The following RIN2 variants were observed in gnomAD, a reference collection of about 807,000 sequenced individuals.
The protein encoded by RIN2 is Ras and Rab interactor 2.
Under a neutral mutation model 78.0 loss-of-function variants are expected in RIN2, and 36 were observed. That is an observed-to-expected ratio of 0.46 (90% confidence interval 0.35 to 0.61). RIN2 has a LOEUF of 0.61. Among genes scored for constraint, RIN2 ranks in the 20% least tolerant of loss-of-function variants. The pLI, the probability that RIN2 is intolerant of heterozygous loss-of-function variation, is 0.00. For synonymous variants in RIN2, 466 were observed against 466.8 expected (o/e 1.00, Z 0.02); for missense variants, 1,087 against 1,159.7 (o/e 0.94, Z 0.91).
At chr20:19,924,515 T>C (rs868499139) in intron 3 of RIN2, among the ~76,000 whole-genome samples, 284 of 1,898 alleles carry the variant, frequency 0.15, 11 homozygotes, top group East Asian at 0.47. Flanking sequence ...ACCTTCACAC[T>C]CCCACCTTCG....
intron 9 of RIN2, among the ~76,000 whole-genome samples, chr20:19,987,919 G>T (rs1366230711): frequency 6.6e-6 from 1 of 152,162 alleles, no homozygotes; most frequent in Non-Finnish European, 1.5e-5. Context: ...AAACAACTTG[G>T]GCTGGGGAAT....
rs35167408 is a variant in RIN2 at position 19,921,541 on chromosome 20, G to C, written c.58-13558G>C. Among the ~76,000 whole-genome samples, 985 of 152,304 alleles carry C rather than the reference G, an allele frequency of 6.5e-3. 7 individuals are homozygous for C. The highest frequency in any genetic ancestry group is 0.024 in the Middle Eastern group (7 of 294). On this transcript the variant is annotated intron_variant, in intron 3 of 12. Transcript: ENST00000255006. ...GCCAGGGACTGCTCTGAGCTGAGGA[G>C]ACTGCAGTGAACCAAAGGACAGCAT...
intron 2 of RIN2, among the ~76,000 whole-genome samples, chr20:19,866,782 A>G (rs927587815): frequency 2.6e-5 from 4 of 151,856 alleles, no homozygotes; most frequent in Non-Finnish European, 4.4e-5. Flanking sequence ...GCACCACCAC[A>G]CCAGCATAAT....
intron 2 of RIN2, chr20:19,823,623 A>G: frequency 6.5e-7 from 1 of 1,548,624 alleles, no homozygotes; most frequent in African/African-American, 1.4e-5. Context: ...TGACGATCTC[A>G]TCAAAAGTGA....
At chr20:19,859,348 T>C (rs1340633939) in intron 2 of RIN2, among the ~76,000 whole-genome samples, 1 of 152,238 alleles carries the variant, frequency 6.6e-6, no homozygotes, top group Non-Finnish European at 1.5e-5. Flanking sequence ...TAATCCTGAC[T>C]CTACCACTTA....
At chr20:19,863,445 C>A (rs989549920) in intron 2 of RIN2, among the ~76,000 whole-genome samples, 1 of 152,168 alleles carries the variant, frequency 6.6e-6, no homozygotes, top group African/African-American at 2.4e-5. Context: ...AATGTCCCCA[C>A]AAGCAGCCTT....
intron 4 of RIN2, among the ~76,000 whole-genome samples, chr20:19,946,713 CAAAA>C (rs74180972): frequency 1.5e-4 from 12 of 77,996 alleles, no homozygotes; most frequent in Non-Finnish European, 1.3e-4. Context: ...GATTCTATCT[CAAAA>C]AAAAAAAAAA....
intron 1 of RIN2, among the ~76,000 whole-genome samples, chr20:19,769,503 G>A (rs774691338): frequency 1.3e-5 from 2 of 152,104 alleles, no homozygotes; most frequent in Non-Finnish European, 2.9e-5. Flanking sequence ...CATCATCATC[G>A]ACCCTCCATC....
chr20:19,970,275 C>T (rs959953721), intron 7 of RIN2, among the ~76,000 whole-genome samples: 3 of 152,222 alleles, frequency 2.0e-5, no homozygotes, highest in African/African-American at 7.2e-5. Context: ...TCTATCTGTA[C>T]ATTAGAGAAG....
chr20:19,921,425 T>C (rs943564383), intron 3 of RIN2, among the ~76,000 whole-genome samples: 1 of 152,282 alleles, frequency 6.6e-6, no homozygotes, highest in Admixed American at 6.5e-5. Flanking sequence ...TGTCCTGATT[T>C]ACCCCCTGCC....
At chr20:19,832,542 C>T (rs936509673) in intron 2 of RIN2, among the ~76,000 whole-genome samples, 6 of 151,772 alleles carry the variant, frequency 4.0e-5, no homozygotes, top group South Asian at 2.1e-4. Context: ...TCCCACCCTC[C>T]GGGCCATGAC....
At chr20:19,851,010 G>T (rs1416797186) in intron 2 of RIN2, among the ~76,000 whole-genome samples, 5 of 86,718 alleles carry the variant, frequency 5.8e-5, no homozygotes, top group African/African-American at 2.7e-4. Context: ...AGGAAGGAAG[G>T]AAGGAAGGAA....
chr20:19,922,855 A>G (rs2039982515), intron 3 of RIN2, among the ~76,000 whole-genome samples: 1 of 151,918 alleles, frequency 6.6e-6, no homozygotes, highest in African/African-American at 2.4e-5. Flanking sequence ...TTTAAACCAT[A>G]CCTTTCACTC....
chr20:19,783,282 A>T (rs956923623), intron 1 of RIN2, among the ~76,000 whole-genome samples: 10 of 152,376 alleles, frequency 6.6e-5, no homozygotes, highest in Non-Finnish European at 1.2e-4. Flanking sequence ...AAACATCAGC[A>T]GAGAAGTTAC....
intron 6 of RIN2, among the ~76,000 whole-genome samples, chr20:19,962,199 G>T (rs1332137281): frequency 1.3e-5 from 2 of 151,710 alleles, no homozygotes; most frequent in African/African-American, 4.8e-5. Context: ...CAGCTACTAA[G>T]GAGGCTGAGG....
chr20:19,838,551 A>G (rs1346310441), intron 2 of RIN2, among the ~76,000 whole-genome samples: 1 of 152,148 alleles, frequency 6.6e-6, no homozygotes, highest in Non-Finnish European at 1.5e-5. Flanking sequence ...GCTATTATGA[A>G]TAATGCTGTG....
At chr20:19,821,179 T>G (rs62200175) in intron 2 of RIN2, among the ~76,000 whole-genome samples, 1 of 152,184 alleles carries the variant, frequency 6.6e-6, no homozygotes, top group African/African-American at 2.4e-5. Flanking sequence ...CCAACTATCC[T>G]TTGGTCATTT....
At chr20:19,932,288 T>C (rs1244284023) in intron 3 of RIN2, among the ~76,000 whole-genome samples, 1 of 152,184 alleles carries the variant, frequency 6.6e-6, no homozygotes, top group African/African-American at 2.4e-5. Context: ...GGATGACTCT[T>C]ACCAGATGCC....
intron 7 of RIN2, among the ~76,000 whole-genome samples, chr20:19,965,930 CAG>C (rs1164213932): frequency 1.3e-5 from 2 of 152,132 alleles, no homozygotes; most frequent in Non-Finnish European, 2.9e-5. Context: ...GAATATTAAC[CAG>C]AGTCAACAGG....
Sources: allele counts gnomAD v4.1 joint callset (sites outside exome capture counted in the v4.1 genomes callset), GRCh38; gene constraint gnomAD v4.1.1; transcripts MANE v1.5; gene names NCBI Gene and HGNC (gene_info 2026-07-23, HGNC 2026-07-21).